Variants in CCSER1 observed in about 807,000 individuals in gnomAD.
The protein encoded by CCSER1 is serine-rich coiled-coil domain-containing protein 1.
CCSER1 carries 41 observed loss-of-function variants against 82.0 expected under a neutral mutation model. That is an observed-to-expected ratio of 0.50 (90% CI 0.39 to 0.65). The LOEUF (loss-of-function observed/expected upper bound fraction) is 0.65. Ranked by LOEUF, CCSER1 falls within the 30% of genes least tolerant of loss-of-function variation. The pLI is 0.00. For missense variants in CCSER1, 1,119 were observed against 1,064.2 expected, an observed-to-expected ratio of 1.05 and a Z score of -0.72; for synonymous variants, 414 against 383.9, an observed-to-expected ratio of 1.08 and a Z score of -0.92.
chr4:91,125,702 A>C (rs988264109), intron 10 of CCSER1, among the ~76,000 whole-genome samples: 2 of 151,714 alleles, frequency 1.3e-5, no homozygotes, highest in Admixed American at 6.6e-5. Flanking sequence ...TTATTTCTTG[A>C]AAATAGATAT....
chr4:90,191,567 C>T (rs1157103852), intron 1 of CCSER1, among the ~76,000 whole-genome samples: 4 of 151,976 alleles, frequency 2.6e-5, no homozygotes, highest in Non-Finnish European at 5.9e-5. Context: ...TGCATGGAAA[C>T]TAACCTTTAA....
intron 10 of CCSER1, among the ~76,000 whole-genome samples, chr4:91,240,238 G>C (rs1581826361): frequency 1.6e-5 from 1 of 61,792 alleles, no homozygotes; most frequent in Admixed American, 1.7e-4. Flanking sequence ...ACCACGCCCG[G>C]CTAATTTTTC....
chr4:91,334,815 T>C (rs1046644949), intron 10 of CCSER1, among the ~76,000 whole-genome samples: 2 of 152,030 alleles, frequency 1.3e-5, no homozygotes, highest in African/African-American at 4.8e-5. Context: ...GGCCATTCTA[T>C]ATTAAAGCCA....
chr4:90,939,767 A>C (rs555251681), intron 9 of CCSER1, among the ~76,000 whole-genome samples: 1 of 152,198 alleles, frequency 6.6e-6, no homozygotes. Flanking sequence ...GGTGCAAAAC[A>C]TGGTATTAAA....
chr4:90,164,730 C>T (rs1317451766), intron 1 of CCSER1, among the ~76,000 whole-genome samples: 1 of 152,112 alleles, frequency 6.6e-6, no homozygotes, highest in Non-Finnish European at 1.5e-5. Flanking sequence ...GAGACTTTGT[C>T]TAAAGAGTGT....
intron 6 of CCSER1, among the ~76,000 whole-genome samples, chr4:90,666,256 G>A (rs893155429): frequency 6.6e-6 from 1 of 152,124 alleles, no homozygotes; most frequent in Non-Finnish European, 1.5e-5. Context: ...TAACTGATTA[G>A]TAATTTGAAT....
At chr4:90,216,633 C>CT (rs1223482186) in intron 1 of CCSER1, among the ~76,000 whole-genome samples, 3 of 152,170 alleles carry the variant, frequency 2.0e-5, no homozygotes, top group Non-Finnish European at 2.9e-5. Flanking sequence ...ATCTATGCAT[C>CT]TTTTTTTGTA....
chr4:91,142,911 G>A (rs906105889), intron 10 of CCSER1, among the ~76,000 whole-genome samples: 13 of 151,948 alleles, frequency 8.6e-5, no homozygotes, highest in Non-Finnish European at 2.9e-5. Flanking sequence ...TTTGGGTAAT[G>A]TAATCCCTCC....
chr4:90,615,656 G>C (rs1908960), intron 5 of CCSER1, among the ~76,000 whole-genome samples: 7,536 of 147,652 alleles, frequency 0.051, 389 homozygotes, highest in Admixed American at 0.17. Flanking sequence ...GCTTCTTGTA[G>C]ATGAGCACAG....
intron 5 of CCSER1, among the ~76,000 whole-genome samples, chr4:90,508,206 G>A (rs78794927): frequency 6.8e-4 from 104 of 152,104 alleles, no homozygotes; most frequent in Non-Finnish European, 9.7e-4. Flanking sequence ...AAGCAGTTAC[G>A]TTGGGTATAC....
At chr4:90,638,927 G>T (rs1242127044) in intron 6 of CCSER1, among the ~76,000 whole-genome samples, 1 of 152,042 alleles carries the variant, frequency 6.6e-6, no homozygotes, top group East Asian at 1.9e-4. Flanking sequence ...TATAGCTACT[G>T]TAAGTTGATT....
chr4:90,263,878 C>G (rs1724776555), intron 1 of CCSER1, among the ~76,000 whole-genome samples: 1 of 152,154 alleles, frequency 6.6e-6, no homozygotes, highest in Admixed American at 6.6e-5. Context: ...CTATTATACT[C>G]CCCTCTGGAA....
chr4:90,794,911 T>C (rs957122960), intron 7 of CCSER1, among the ~76,000 whole-genome samples: 7 of 152,308 alleles, frequency 4.6e-5, no homozygotes, highest in South Asian at 2.1e-4. Flanking sequence ...TTTCTAAGTA[T>C]ATTTTTGTGT....
Position 90,308,897 on chromosome 4 carries a change from C to A in CCSER1, c.613C>A (p.Gln205Lys). The change falls in exon 2 of 11, where the codon CAA becomes AAA. Residue 205 changes from glutamine to lysine, a missense_variant. Transcript: ENST00000509176. ...ACAGAGCCAATCCATTTCATTGGTA[C>A]AACAGTCTGAATTCTCATTGGAAGT... ...VLQSQSISLV[Q>K]QSEFSLEVTQ... The A allele has an allele frequency of 1.2e-6, 2 of 1,613,882 alleles. No homozygotes were observed. The highest frequency in any genetic ancestry group is 1.7e-6 in the Non-Finnish European group (2 of 1,179,838).
intron 5 of CCSER1, among the ~76,000 whole-genome samples, chr4:90,541,468 T>G (rs748505973): frequency 1.5e-4 from 23 of 152,112 alleles, no homozygotes; most frequent in Non-Finnish European, 3.2e-4. Flanking sequence ...ATAAAGTGAC[T>G]GATCTGGAGC....
intron 5 of CCSER1, among the ~76,000 whole-genome samples, chr4:90,491,066 T>C (rs1767933485): frequency 6.6e-6 from 1 of 152,156 alleles, no homozygotes; most frequent in Non-Finnish European, 1.5e-5. Flanking sequence ...AGAAAGTCAT[T>C]GGTAGCTTGA....
At chr4:91,243,469 A>G (rs754248461) in intron 10 of CCSER1, among the ~76,000 whole-genome samples, 1 of 152,052 alleles carries the variant, frequency 6.6e-6, no homozygotes, top group African/African-American at 2.4e-5. Flanking sequence ...CCATCCATCA[A>G]CTCCAGGCAG....
At chr4:90,990,755 C>T (rs562692405) in intron 9 of CCSER1, among the ~76,000 whole-genome samples, 28 of 151,944 alleles carry the variant, frequency 1.8e-4, no homozygotes, top group Middle Eastern at 6.8e-3. Flanking sequence ...TTCTGTTTAT[C>T]TGTGAAAAAT....
intron 9 of CCSER1, among the ~76,000 whole-genome samples, chr4:90,931,037 CATATATTTGAAATATAT>C (rs1182946347): frequency 6.9e-6 from 1 of 144,790 alleles, no homozygotes; most frequent in Non-Finnish European, 1.5e-5. Flanking sequence ...ATATCTTTGA[CATATATTTGAAATATAT>C]ATATTCTTGG....
Sources: gnomAD v4.1 joint callset for allele counts (sites outside exome capture counted in the v4.1 genomes callset) on GRCh38, gnomAD v4.1.1 for gene constraint, MANE v1.5 for transcripts, NCBI Gene and HGNC (gene_info 2026-07-23, HGNC 2026-07-21) for gene names.